DNAJC6: variants seen among roughly 807,000 people sequenced by gnomAD.
The protein encoded by DNAJC6 is DnaJ heat shock protein family (Hsp40) member C6.
A neutral mutation model predicts 110.0 loss-of-function variants in DNAJC6; 34 were observed. That is an observed-to-expected ratio of 0.31 (90% confidence interval 0.24 to 0.41). The LOEUF (loss-of-function observed/expected upper bound fraction) is 0.41, where lower values mean the gene tolerates loss of function less well. Ranked by LOEUF, DNAJC6 falls within the 10% of genes least tolerant of loss-of-function variation. The pLI is 1.00. For missense variants in DNAJC6, 1,031 were observed against 1,207.8 expected (o/e 0.85, Z 2.17); for synonymous variants, 406 against 437.2 (o/e 0.93, Z 0.89).
intron 1 of DNAJC6, among the ~76,000 whole-genome samples, chr1:65,363,866 C>T (rs1645620822): frequency 6.6e-6 from 1 of 152,114 alleles, no homozygotes; most frequent in Non-Finnish European, 1.5e-5. Context: ...GGGAAGAGAA[C>T]CTGAAATATT....
At chr1:65,354,217 G>A (rs1428255020) in intron 1 of DNAJC6, among the ~76,000 whole-genome samples, 1 of 152,148 alleles carries the variant, frequency 6.6e-6, no homozygotes, top group Non-Finnish European at 1.5e-5. Flanking sequence ...TGAGGTGGGA[G>A]AATGGAGGCA....
In DNAJC6 at chr1:65,380,911, G is replaced by GTTTTTTTTTTTTTT. The variant is rs1312055301; in HGVS notation, c.666+1391_666+1392insTTTTTTTTTTTTTT. ...GGGAGTTTTTTTTTTTTTGTTTTTTGTTTTGTTTTGTTTTTTTTTTTTTTT... is the reference window on the plus strand; with the variant it reads ...GGGAGTTTTTTTTTTTTTGTTTTTTGTTTTTTTTTTTTTTTTTTGTTTTGTTTTTTTTTTTTTTT... On this transcript the variant is annotated intron_variant, in intron 5 of 18. Coordinates refer to ENST00000371069, the MANE Select transcript of DNAJC6 (RefSeq NM_001256864.2). 5.3e-4 allele frequency among the ~76,000 whole-genome samples: 61 copies of GTTTTTTTTTTTTTT among 114,888 alleles called. 4 individuals are homozygous for GTTTTTTTTTTTTTT. The highest frequency in any genetic ancestry group is 2.4e-3 in the African/African-American group (56 of 23,290). The allele number at this position is 114,888 out of a possible 152,430, so 75.4% of individuals were successfully genotyped here. A position where few individuals can be genotyped will look rare whatever the true frequency, so the allele number is the denominator to read the frequency against.
intron 5 of DNAJC6, among the ~76,000 whole-genome samples, chr1:65,382,391 G>T (rs912489868): frequency 2.6e-5 from 4 of 152,236 alleles, no homozygotes; most frequent in Admixed American, 2.0e-4. Flanking sequence ...CTGGGAGAAG[G>T]CTTTATTTAG....
chr1:65,365,818 T>C (rs1162729158), intron 2 of DNAJC6, 67 bp from the exon 3 acceptor site: 3 of 1,555,802 alleles, frequency 1.9e-6, no homozygotes, highest in East Asian at 2.2e-5. Flanking sequence ...GCGCAAGTGA[T>C]TGAGAGAGAG....
At chr1:65,390,749 C>T (rs929656492) in intron 11 of DNAJC6, among the ~76,000 whole-genome samples, 3 of 152,154 alleles carry the variant, frequency 2.0e-5, no homozygotes, top group Non-Finnish European at 4.4e-5. Flanking sequence ...AAAAGTTGTT[C>T]ATAAAATTCC....
intron 18 of DNAJC6, among the ~76,000 whole-genome samples, chr1:65,411,729 G>T (rs542035860): frequency 1.6e-4 from 25 of 152,144 alleles, no homozygotes; most frequent in East Asian, 1.4e-3. Flanking sequence ...AGCACTTTGG[G>T]GGGGGCAGGG....
At chr1:65,374,485 G>C (rs757709794) in intron 4 of DNAJC6, among the ~76,000 whole-genome samples, 3 of 151,810 alleles carry the variant, frequency 2.0e-5, no homozygotes, top group Non-Finnish European at 2.9e-5. Flanking sequence ...TTCTTGTGTA[G>C]ATCTTTCACT....
intron 15 of DNAJC6, among the ~76,000 whole-genome samples, chr1:65,403,858 C>T (rs1242771487): frequency 2.6e-5 from 4 of 152,120 alleles, no homozygotes; most frequent in Non-Finnish European, 4.4e-5. Context: ...GCGGGGTCAG[C>T]GTCTGCTTTT....
intron 4 of DNAJC6, among the ~76,000 whole-genome samples, chr1:65,368,137 C>T (rs916069164): frequency 6.6e-6 from 1 of 152,026 alleles, no homozygotes; most frequent in African/African-American, 2.4e-5. Flanking sequence ...GAACCCAGGA[C>T]GTTCTAAAGA....
Position 65,366,161 on chromosome 1 carries a change from C to T in DNAJC6, c.508C>T (p.Pro170Ser). ...LDHYTVYNLSPKSYRTAKFHS... is the reference protein window; with the variant it reads ...LDHYTVYNLSSKSYRTAKFHS... ...CCACTACACAGTATACAATCTGTCA[C>T]CTAAGTCTTATCGAACTGCCAAGTT... Residue 170 changes from proline (P) to serine (S), a missense_variant, in exon 4 of 19, where the codon CCT (proline) becomes TCT (serine). Transcript: ENST00000371069. The T allele has an allele frequency of 6.2e-7, 1 of 1,613,708 alleles. No homozygotes were observed. Among genetic ancestry groups the T allele is most frequent in the Non-Finnish European group, 8.5e-7 (1 of 1,179,752 alleles).
chr1:65,321,782 C>A (rs184543214), intron 1 of DNAJC6, among the ~76,000 whole-genome samples: 5 of 152,150 alleles, frequency 3.3e-5, no homozygotes, highest in Non-Finnish European at 7.4e-5. Flanking sequence ...GAACTCAGGT[C>A]TTCTGCCATA....
intron 5 of DNAJC6, among the ~76,000 whole-genome samples, chr1:65,380,373 A>T (rs935568437): frequency 6.6e-6 from 1 of 152,230 alleles, no homozygotes; most frequent in Admixed American, 6.5e-5. Context: ...TTGCTATAGT[A>T]TTACTTGATG....
rs150719308 is a variant in DNAJC6 at position 65,405,354 on chromosome 1, A to G, written c.2228-516A>G. Among the ~76,000 whole-genome samples the G allele has an allele frequency of 5.3e-3, 805 of 152,336 alleles. 6 individuals are homozygous for G. The highest frequency in any genetic ancestry group is 0.018 in the African/African-American group (747 of 41,586). ...CATCTTTATTTACTCTTGGGCACTA[A>G]CCATGCTTTATAACAAAAAATGATG... is the stretch of plus-strand genomic sequence containing the variant. On this transcript the variant is annotated intron_variant, in intron 15 of 18. Coordinates refer to ENST00000371069, the MANE Select transcript of DNAJC6 (RefSeq NM_001256864.2).
At chr1:65,372,146 GGTGTGTGTGTGTGTGT>G (rs59816601) in intron 4 of DNAJC6, among the ~76,000 whole-genome samples, 1,717 of 141,072 alleles carry the variant, frequency 0.012, 27 homozygotes, top group African/African-American at 0.043. Context: ...TGACATTTGG[GGTGTGTGTGTGTGTGT>G]GTGTGTGTGT....
chr1:65,269,403 C>T (rs1653435006), intron 1 of DNAJC6, among the ~76,000 whole-genome samples: 1 of 151,658 alleles, frequency 6.6e-6, no homozygotes, highest in Admixed American at 6.6e-5. Flanking sequence ...GCCAATGGTT[C>T]CTGAGATAAC....
At chr1:65,337,350 C>A (rs1276488873) in intron 1 of DNAJC6, among the ~76,000 whole-genome samples, 1 of 150,608 alleles carries the variant, frequency 6.6e-6, no homozygotes, top group Non-Finnish European at 1.5e-5. Context: ...TCTTCCTCAT[C>A]AGATATTTGG....
chr1:65,322,036 G>A (rs1645201705), intron 1 of DNAJC6, among the ~76,000 whole-genome samples: 1 of 152,166 alleles, frequency 6.6e-6, no homozygotes, highest in Non-Finnish European at 1.5e-5. Context: ...CTTTGTCTCT[G>A]AATGTGCCAG....
At chr1:65,327,883 C>CT (rs1037539511) in intron 1 of DNAJC6, among the ~76,000 whole-genome samples, 6 of 151,664 alleles carry the variant, frequency 4.0e-5, no homozygotes, top group African/African-American at 1.2e-4. Context: ...AAAAAAGTTG[C>CT]TTTTTTTTAA....
chr1:65,319,600 A>ATT (rs68016758), intron 1 of DNAJC6, among the ~76,000 whole-genome samples: 15 of 151,228 alleles, frequency 9.9e-5, no homozygotes, highest in African/African-American at 2.2e-4. Context: ...TGAAACCAGA[A>ATT]TTTTTTTTCA....
Sources: gnomAD v4.1 joint callset for allele counts (sites outside exome capture counted in the v4.1 genomes callset) on GRCh38, gnomAD v4.1.1 for gene constraint, MANE v1.5 for transcripts, NCBI Gene and HGNC (gene_info 2026-07-23, HGNC 2026-07-21) for gene names.